ENO1: variants seen among roughly 807,000 people sequenced by gnomAD.
ENO1 encodes the protein enolase 1.
ENO1 carries 33 observed loss-of-function variants against 46.3 expected under a neutral mutation model. The observed-to-expected ratio is 0.71, with a 90% confidence interval of 0.54 to 0.95. The LOEUF (loss-of-function observed/expected upper bound fraction) is 0.95. Ranked by LOEUF, ENO1 falls within the 40% of genes least tolerant of loss-of-function variation. The pLI, the probability that ENO1 is intolerant of heterozygous loss-of-function variation, is 0.00. For missense variants in ENO1, 488 were observed against 553.3 expected, an observed-to-expected ratio of 0.88 and a Z score of 1.18; for synonymous variants, 220 against 216.0, an observed-to-expected ratio of 1.02 and a Z score of -0.16.
Position 8,871,507 on chromosome 1 carries a change from G to A in ENO1, c.181+384C>T, listed in dbSNP as rs540112025. Reference sequence around the variant, plus strand: ...ACCTTCCCTGGATCCTTTCTAGCCCGTGAAGAGGCTGATGATCTCTGGAGG... The same window carrying A: ...ACCTTCCCTGGATCCTTTCTAGCCCATGAAGAGGCTGATGATCTCTGGAGG... On this transcript the variant is annotated intron_variant, in intron 3 of 11. Coordinates refer to ENST00000234590, the MANE Select transcript of ENO1 (RefSeq NM_001428.5). The A allele has an allele frequency of 1.5e-5, 15 of 1,025,612 alleles. No individual in the cohort carries two copies. The East Asian group carries it at 2.7e-4, about 19-fold the overall frequency. The allele number at this position is 1,025,612 out of a possible 1,614,324, so 63.5% of individuals were successfully genotyped here.
At chr1:8,878,102 AG>A (rs1174154361) in intron 1 of ENO1, 5 of 154,406 alleles carry the variant, frequency 3.2e-5, no homozygotes, top group African/African-American at 9.7e-5. Flanking sequence ...CCGGTGGGGG[AG>A]GGGGCCGCAG....
Position 8,861,298 on chromosome 1 carries a change from C to T in ENO1, c.*62G>A. On this transcript the variant is annotated 3_prime_UTR_variant, in exon 12 of 12. Coordinates refer to ENST00000234590, the MANE Select transcript of ENO1 (RefSeq NM_001428.5). ...GGTCGGGGGCCTCGAGCTGCCTGAG[C>T]TGACACGAGGGGAGGGGTCTGTGTA... 1 of 1,572,346 alleles carries T rather than the reference C, an allele frequency of 6.4e-7. No individual in the cohort carries two copies. Among genetic ancestry groups the T allele is most frequent in the Non-Finnish European group, 8.7e-7 (1 of 1,144,544 alleles).
chr1:8,873,329 AAAGTTGATGAG>A (rs1415593877), intron 2 of ENO1, among the ~76,000 whole-genome samples: 4 of 152,216 alleles, frequency 2.6e-5, no homozygotes, highest in African/African-American at 9.7e-5. Context: ...CTGCTCTAAA[AAAGTTGATGAG>A]ACAGGGAGAG....
chr1:8,862,909 C>T lies in ENO1; in HGVS notation c.1213G>A (p.Ala405Thr). The change falls in exon 11 of 12, where the codon GCC (alanine) becomes ACC (threonine). Residue 405 changes from alanine to threonine, a missense_variant. Physicochemically the swap from Ala to Thr is moderately conservative, Grantham distance 58. Transcript: ENST00000234590. ...TGAPCRSERL[A>T]KYNQLLRIEE... Reference sequence around the variant, plus strand: ...TACCTGAGGAGCTGGTTGTACTTGGCCAAGCGCTCAGATCGGCAAGGGGCA... The same window carrying T: ...TACCTGAGGAGCTGGTTGTACTTGGTCAAGCGCTCAGATCGGCAAGGGGCA... The T allele has an allele frequency of 6.2e-7, 1 of 1,614,090 alleles. No homozygotes were observed. The highest frequency in any genetic ancestry group is 8.5e-7 in the Non-Finnish European group (1 of 1,179,978).
chr1:8,872,845 A>G (rs958939076), intron 2 of ENO1, among the ~76,000 whole-genome samples: 1 of 152,222 alleles, frequency 6.6e-6, no homozygotes. Context: ...GAAGGAATAA[A>G]GATAATAAAA....
At chr1:8,866,685 G>T in intron 6 of ENO1, 184 bp from the exon 7 acceptor site, 1 of 646,554 alleles carries the variant, frequency 1.5e-6, no homozygotes, top group Non-Finnish European at 2.6e-6. Context: ...TGTTTTTAGA[G>T]ACAGGGTTTC....
Position 8,863,326 on chromosome 1 carries a change from G to A in ENO1, c.1085C>T (p.Ala362Val). 3.1e-6 allele frequency: 5 copies of A among 1,613,510 alleles called. No homozygotes were observed. The highest frequency in any genetic ancestry group is 4.2e-6 in the Non-Finnish European group (5 of 1,179,732). ...AGACACCATGACGCCCCAACCATTG[G>A]CCTGGGCCAGCTTGCACCTGGAAGC... ...ESLQACKLAQ[A>V]NGWGVMVSHR... Residue 362 changes from alanine to valine, a missense_variant, in exon 10 of 12, where the codon GCC becomes GTC. Ala to Val is a moderately conservative substitution (Grantham distance 64). Transcript: ENST00000234590.
chr1:8,871,025 T>C (rs1642621865), intron 3 of ENO1: 1 of 1,240,532 alleles, frequency 8.1e-7, no homozygotes, highest in Non-Finnish European at 1.0e-6. Flanking sequence ...CTTCCACAAA[T>C]GCTTACTTAC....
At chr1:8,866,244 G>A (rs1399866813) in intron 7 of ENO1, 35 bp downstream of exon 7, 9 of 1,604,242 alleles carry the variant, frequency 5.6e-6, no homozygotes, top group Non-Finnish European at 6.0e-6. Flanking sequence ...GGCGCTGCAG[G>A]GCTGGGTGGG....
chr1:8,872,161 C>G (rs1642646860), intron 2 of ENO1, among the ~76,000 whole-genome samples, 175 bp from the exon 3 acceptor site: 1 of 152,160 alleles, frequency 6.6e-6, no homozygotes, highest in Admixed American at 6.6e-5. Flanking sequence ...GTTTATGATC[C>G]TGTACTGCAG....
intron 3 of ENO1, 41 bp from the exon 4 acceptor site, chr1:8,870,551 A>G (rs1204607153): frequency 2.5e-6 from 4 of 1,613,530 alleles, no homozygotes; most frequent in Non-Finnish European, 3.4e-6. Flanking sequence ...CATTAACTTT[A>G]AAACAGGCTT....
chr1:8,872,073 T>C, intron 2 of ENO1, 87 bp from the exon 3 acceptor site: 3 of 1,123,664 alleles, frequency 2.7e-6, no homozygotes, highest in Admixed American at 1.8e-5. Flanking sequence ...CAGATGCATT[T>C]GTCATTAGGG....
intron 10 of ENO1, 27 bp from the exon 11 acceptor site, chr1:8,862,972 T>C: frequency 1.2e-6 from 2 of 1,613,196 alleles, no homozygotes; most frequent in Non-Finnish European, 1.7e-6. Context: ...GCCATTTGCT[T>C]ACAGCGGACA....
chr1:8,874,577 C>CAAAAAAAAAA (rs140269736), intron 2 of ENO1, among the ~76,000 whole-genome samples: 23 of 51,580 alleles, frequency 4.5e-4, no homozygotes, highest in African/African-American at 1.3e-3. Context: ...GACTCCATCT[C>CAAAAAAAAAA]AAAAAAAAAA....
At chr1:8,867,551 AATTTT>A (rs1281877981) in intron 5 of ENO1, among the ~76,000 whole-genome samples, 5 of 149,622 alleles carry the variant, frequency 3.3e-5, no homozygotes, top group Non-Finnish European at 4.4e-5. Context: ...ATTCAAAAAA[AATTTT>A]TTTTTTTCTT....
chr1:8,861,423 T>G lies in ENO1; in HGVS notation c.1242A>C (p.Glu414Asp). The G allele has an allele frequency of 6.2e-7, 1 of 1,614,070 alleles. No homozygotes were observed. The highest frequency in any genetic ancestry group is 8.5e-7 in the Non-Finnish European group (1 of 1,179,996). Residue 414 changes from glutamate to aspartate, a missense_variant, in exon 12 of 12, where the codon GAA becomes GAC. Coordinates refer to ENST00000234590, the MANE Select transcript of ENO1 (RefSeq NM_001428.5). Reference sequence around the variant, plus strand: ...ACTTAGCCTTGCTGCCCAGCTCCTCTTCAATTCTTGGGAAGGAGAAAGGTA... The same window carrying G: ...ACTTAGCCTTGCTGCCCAGCTCCTCGTCAATTCTTGGGAAGGAGAAAGGTA... ...LAKYNQLLRI[E>D]EELGSKAKFA...
intron 2 of ENO1, 36 bp from the exon 3 acceptor site, chr1:8,872,022 G>A: frequency 1.3e-6 from 2 of 1,580,350 alleles, no homozygotes; most frequent in African/African-American, 1.3e-5. Context: ...TAGCAATTCA[G>A]AAATCCAGTT....
chr1:8,861,849 C>T (rs1268651190), intron 11 of ENO1, among the ~76,000 whole-genome samples: 4 of 85,646 alleles, frequency 4.7e-5, no homozygotes, highest in African/African-American at 1.8e-4. Flanking sequence ...TATTAAAAGA[C>T]AAAATGTGTG....
intron 5 of ENO1, among the ~76,000 whole-genome samples, chr1:8,867,593 T>C (rs1229903403): frequency 2.0e-5 from 3 of 152,040 alleles, no homozygotes; most frequent in Non-Finnish European, 4.4e-5. Flanking sequence ...TCTCACTCTA[T>C]TGCCCAGGCT....
Sources: gnomAD v4.1 joint callset for allele counts (sites outside exome capture counted in the v4.1 genomes callset) on GRCh38, gnomAD v4.1.1 for gene constraint, MANE v1.5 for transcripts, NCBI Gene and HGNC (gene_info 2026-07-23, HGNC 2026-07-21) for gene names.